Variants in GABRG2 observed in about 807,000 individuals in gnomAD.
GABRG2 encodes the protein gamma-aminobutyric acid type A receptor subunit gamma2.
A neutral mutation model predicts 56.4 loss-of-function variants in GABRG2; 16 were observed. The ratio of observed to expected loss-of-function variants is 0.28; its 90% CI spans 0.19 to 0.43. GABRG2 has a LOEUF of 0.43. Among genes scored for constraint, GABRG2 ranks in the 20% least tolerant of loss-of-function variants. GABRG2 has a pLI of 1.00. For synonymous variants in GABRG2, 208 were observed against 205.5 expected, an observed-to-expected ratio of 1.01 and a Z score of -0.10; for missense variants, 327 against 582.7, an observed-to-expected ratio of 0.56 and a Z score of 4.52.
At chr5:162,131,679 TAA>T (rs752462400) in intron 6 of GABRG2, among the ~76,000 whole-genome samples, 36 of 152,144 alleles carry the variant, frequency 2.4e-4, no homozygotes, top group African/African-American at 4.3e-4. Context: ...TAAATATTTA[TAA>T]AGACTTTTAA....
chr5:162,083,871 C>A (rs927663556), intron 1 of GABRG2, among the ~76,000 whole-genome samples: 1 of 151,762 alleles, frequency 6.6e-6, no homozygotes, highest in Non-Finnish European at 1.5e-5. Context: ...CTAAGTAATA[C>A]GTGGTCATTT....
At chr5:162,129,944 G>C (rs1168873914) in intron 6 of GABRG2, among the ~76,000 whole-genome samples, 1 of 151,712 alleles carries the variant, frequency 6.6e-6, no homozygotes, top group Non-Finnish European at 1.5e-5. Context: ...AGAAGAGATC[G>C]GATTCACCCA....
At chr5:162,110,852 T>A (rs1401076529) in intron 6 of GABRG2, among the ~76,000 whole-genome samples, 5 of 152,080 alleles carry the variant, frequency 3.3e-5, no homozygotes, top group Non-Finnish European at 7.4e-5. Flanking sequence ...GTAATAGATT[T>A]TAATTTTATT....
In GABRG2 at chr5:162,139,075, A is replaced by G. The variant is rs192093802; in HGVS notation, c.770-3089A>G. Among the ~76,000 whole-genome samples the G allele has an allele frequency of 5.1e-4, 78 of 152,286 alleles. 3 individuals are homozygous for G. The highest frequency in any genetic ancestry group is 7.7e-4 in the East Asian group (4 of 5,184). On this transcript the variant is annotated intron_variant, in intron 6 of 9. Transcript: ENST00000639213. Reference sequence around the variant, plus strand: ...GTAGACATAAGAATCTCACACACAAAAAAGATAAACATTAATGGATGTTGT... The same window carrying G: ...GTAGACATAAGAATCTCACACACAAGAAAGATAAACATTAATGGATGTTGT...
rs771888226 is a variant in GABRG2, at chr5:162,101,298, C to T, written c.612C>T (p.Cys204=). 1.2e-6 allele frequency: 2 copies of T among 1,608,890 alleles called. No homozygotes were observed. The highest frequency in any genetic ancestry group is 8.5e-7 in the Non-Finnish European group (1 of 1,175,526). Residue 204 remains cysteine, a synonymous_variant, in exon 5 of 10, where the codon TGC becomes TGT. Coordinates refer to ENST00000639213, the MANE Select transcript of GABRG2 (RefSeq NM_198904.4). ...ACTTTCCAATGGATGAACACTCCTG[C>T]CCCTTGGAGTTCTCCAGTTGTAAGT... ...LHNFPMDEHS[C]PLEFSSYGYP...
intron 6 of GABRG2, among the ~76,000 whole-genome samples, chr5:162,117,514 A>G (rs908165951): frequency 6.6e-6 from 1 of 152,154 alleles, no homozygotes; most frequent in African/African-American, 2.4e-5. Context: ...AGTAGTTTCA[A>G]GCAACTTTTA....
At chr5:162,093,736 T>G (rs752785392) in intron 1 of GABRG2, 92 bp from the exon 2 acceptor site, 127 of 1,197,858 alleles carry the variant, frequency 1.1e-4, no homozygotes, top group Non-Finnish European at 1.5e-4. Context: ...TCTTTTATCC[T>G]GTTTTATTTC....
Position 162,078,266 on chromosome 5 carries a change from T to C in GABRG2, c.107+10160T>C, listed in dbSNP as rs149427673. 3.2e-3 allele frequency among the ~76,000 whole-genome samples: 477 copies of C among 151,108 alleles called. 2 individuals are homozygous for C. Among genetic ancestry groups the C allele is most frequent in the African/African-American group, 0.011 (435 of 41,202 alleles). On this transcript the variant is annotated intron_variant, in intron 1 of 9. Coordinates refer to ENST00000639213, the MANE Select transcript of GABRG2 (RefSeq NM_198904.4). Reference sequence around the variant, plus strand: ...TTTGCAAATTGCTCTTCTCATTGTATCCTCACAAATAGTGTTATGCCACAT... The same window carrying C: ...TTTGCAAATTGCTCTTCTCATTGTACCCTCACAAATAGTGTTATGCCACAT...
intron 6 of GABRG2, among the ~76,000 whole-genome samples, chr5:162,138,949 C>T (rs1764342962): frequency 6.6e-6 from 1 of 151,980 alleles, no homozygotes; most frequent in Non-Finnish European, 1.5e-5. Flanking sequence ...AAAATGAGAA[C>T]CTAAACGCTC....
chr5:162,132,735 CT>C (rs1763845054), intron 6 of GABRG2, among the ~76,000 whole-genome samples: 1 of 151,976 alleles, frequency 6.6e-6, no homozygotes. Context: ...TGGCACCTCT[CT>C]TCTGAAGTGC....
intron 7 of GABRG2, 85 bp downstream of exon 7, chr5:162,142,401 C>A: frequency 7.1e-7 from 1 of 1,402,512 alleles, no homozygotes; most frequent in Non-Finnish European, 1.0e-6. Flanking sequence ...TGTTGATCTG[C>A]TTTAAATTTA....
At chr5:162,110,425 A>G (rs1039399584) in intron 6 of GABRG2, among the ~76,000 whole-genome samples, 2 of 152,080 alleles carry the variant, frequency 1.3e-5, no homozygotes, top group South Asian at 2.1e-4. Flanking sequence ...CTCTGTCTAC[A>G]TCAATGTTTA....
At chr5:162,129,785 T>G (rs1763599126) in intron 6 of GABRG2, among the ~76,000 whole-genome samples, 2 of 152,006 alleles carry the variant, frequency 1.3e-5, no homozygotes. Flanking sequence ...ACTGTTAAAA[T>G]TTGATACATA....
At chr5:162,094,061 T>C in intron 2 of GABRG2, 82 bp downstream of exon 2, 1 of 1,443,500 alleles carries the variant, frequency 6.9e-7, no homozygotes, top group South Asian at 1.2e-5. Flanking sequence ...TCAGTGTAGT[T>C]CAAGAGCAAG....
chr5:162,084,764 A>G (rs1290202970), intron 1 of GABRG2, among the ~76,000 whole-genome samples: 3 of 151,966 alleles, frequency 2.0e-5, no homozygotes, highest in Non-Finnish European at 4.4e-5. Context: ...GTAAATAATT[A>G]CGTCCTTCTC....
At chr5:162,069,187 C>G (rs1188408569) in intron 1 of GABRG2, among the ~76,000 whole-genome samples, 1 of 152,154 alleles carries the variant, frequency 6.6e-6, no homozygotes, top group African/African-American at 2.4e-5. Context: ...ATTCGTCTAC[C>G]TACCTAAGCA....
chr5:162,097,598 A>G (rs1761093543), intron 3 of GABRG2, 40 bp from the exon 4 acceptor site: 1 of 1,373,224 alleles, frequency 7.3e-7, no homozygotes, highest in Non-Finnish European at 1.0e-6. Context: ...AGATAATCTT[A>G]CTGTGTACAA....
At chr5:162,110,801 GCAGCGTAATATCTTAAAATAAAC>G (rs1206152862) in intron 6 of GABRG2, among the ~76,000 whole-genome samples, 2 of 152,114 alleles carry the variant, frequency 1.3e-5, no homozygotes, top group African/African-American at 4.8e-5. Context: ...ACTACTTGAA[GCAGCGTAATATCTTAAAATAAAC>G]CAGTGGATGA....
chr5:162,085,015 G>T (rs116738536), intron 1 of GABRG2, among the ~76,000 whole-genome samples: 1 of 151,926 alleles, frequency 6.6e-6, no homozygotes, highest in East Asian at 1.9e-4. Context: ...TCAGGTTACT[G>T]CCTTTAAAAC....
Sources: gnomAD v4.1 joint callset for allele counts (sites outside exome capture counted in the v4.1 genomes callset) on GRCh38, gnomAD v4.1.1 for gene constraint, MANE v1.5 for transcripts, NCBI Gene and HGNC (gene_info 2026-07-23, HGNC 2026-07-21) for gene names.